The following PCDH15 variants were observed in gnomAD, a reference collection of about 807,000 sequenced individuals.
PCDH15 encodes protocadherin-15.
Under a neutral mutation model 178.5 loss-of-function variants are expected in PCDH15, and 129 were observed. The observed-to-expected ratio is 0.72, with a 90% CI of 0.63 to 0.84. PCDH15 has a LOEUF of 0.84. Among genes scored for constraint, PCDH15 ranks in the 40% least tolerant of loss-of-function variants. The probability of loss-of-function intolerance (pLI) is 0.00; values close to 1 mark genes in which losing one functional copy is unlikely to be tolerated. For missense variants in PCDH15, 2,230 were observed against 2,099.9 expected, an observed-to-expected ratio of 1.06 and a Z score of -1.21; for synonymous variants, 800 against 732.0, an observed-to-expected ratio of 1.09 and a Z score of -1.50.
intron 2 of PCDH15, among the ~76,000 whole-genome samples, chr10:55,465,320 C>T (rs1009961376): frequency 2.0e-5 from 3 of 152,020 alleles, no homozygotes; most frequent in South Asian, 2.1e-4. Flanking sequence ...ATTGTGGAAC[C>T]TGTTTAATAA....
At chr10:55,490,045 A>T (rs908498808) in intron 2 of PCDH15, among the ~76,000 whole-genome samples, 6 of 151,790 alleles carry the variant, frequency 4.0e-5, no homozygotes, top group Non-Finnish European at 7.4e-5. Flanking sequence ...AACAGAAAAA[A>T]AAATTTGAAA....
At chr10:54,979,840 T>TACA (rs1839184629) in intron 2 of PCDH15, among the ~76,000 whole-genome samples, 1 of 152,112 alleles carries the variant, frequency 6.6e-6, no homozygotes, top group Non-Finnish European at 1.5e-5. Context: ...ATGTGTAACA[T>TACA]ATTGTAACAT....
intron 2 of PCDH15, among the ~76,000 whole-genome samples, chr10:54,660,460 G>T (rs1352995472): frequency 1.3e-5 from 2 of 151,970 alleles, no homozygotes; most frequent in Admixed American, 1.3e-4. Context: ...TTATGAAATT[G>T]AATTAGTAAT....
In PCDH15 at chr10:53,903,426, T is replaced by C. The variant is rs1165730502; in HGVS notation, c.3374-56A>G. 15 of 1,596,282 alleles carry C rather than the reference T, an allele frequency of 9.4e-6. No individual in the cohort carries two copies. The East Asian group carries it at 2.2e-4, about 24-fold the overall frequency. Reference sequence around the variant, plus strand: ...TGGTGGTTATTCATGGGGGAAAAAATGCACTGAAGTAAATATTTGCTGCAC... The same window carrying C: ...TGGTGGTTATTCATGGGGGAAAAAACGCACTGAAGTAAATATTTGCTGCAC... On this transcript the variant is annotated intron_variant, in intron 25 of 37. Coordinates refer to ENST00000644397, the MANE Select transcript of PCDH15 (RefSeq NM_001384140.1).
intron 2 of PCDH15, among the ~76,000 whole-genome samples, chr10:54,943,267 C>T (rs957734355): frequency 1.3e-5 from 2 of 151,900 alleles, no homozygotes; most frequent in African/African-American, 4.8e-5. Flanking sequence ...TGGTGTTCAT[C>T]CTCAAAGCCA....
At chr10:55,409,799 A>G (rs1268518973) in intron 2 of PCDH15, among the ~76,000 whole-genome samples, 1 of 152,164 alleles carries the variant, frequency 6.6e-6, no homozygotes, top group Non-Finnish European at 1.5e-5. Flanking sequence ...TAAAGTACTA[A>G]TTTGCCCTTG....
At chr10:55,083,800 A>C (rs566753175) in intron 2 of PCDH15, among the ~76,000 whole-genome samples, 1 of 151,984 alleles carries the variant, frequency 6.6e-6, no homozygotes, top group East Asian at 1.9e-4. Flanking sequence ...AGAACTCAAG[A>C]AAGTAATCCC....
At chr10:54,335,582 A>G (rs1940916101) in intron 6 of PCDH15, among the ~76,000 whole-genome samples, 1 of 152,200 alleles carries the variant, frequency 6.6e-6, no homozygotes, top group African/African-American at 2.4e-5. Flanking sequence ...TGATGCTTTT[A>G]TAAAGGGAAA....
chr10:54,819,494 A>T (rs939710341), intron 3 of PCDH15, among the ~76,000 whole-genome samples: 1 of 151,988 alleles, frequency 6.6e-6, no homozygotes, highest in African/African-American at 2.4e-5. Flanking sequence ...CCTTCTAGAT[A>T]TTACTAATGT....
intron 2 of PCDH15, among the ~76,000 whole-genome samples, chr10:55,561,138 G>A (rs537622793): frequency 6.6e-6 from 1 of 151,638 alleles, no homozygotes; most frequent in African/African-American, 2.4e-5. Flanking sequence ...CAGAACAAAG[G>A]TTAAGAAATT....
chr10:54,166,374 G>T (rs977028062), intron 13 of PCDH15, among the ~76,000 whole-genome samples: 7 of 152,262 alleles, frequency 4.6e-5, no homozygotes, highest in Middle Eastern at 6.8e-3. Context: ...CTCGTTCTAC[G>T]TATTTTTCAG....
At chr10:54,891,832 A>C (rs889010190) in intron 3 of PCDH15, among the ~76,000 whole-genome samples, 15 of 152,044 alleles carry the variant, frequency 9.9e-5, no homozygotes, top group African/African-American at 3.1e-4. Flanking sequence ...TTTTTTTTAC[A>C]GCCAGCAGGA....
At chr10:55,324,872 G>A (rs1843990499) in intron 2 of PCDH15, among the ~76,000 whole-genome samples, 1 of 152,028 alleles carries the variant, frequency 6.6e-6, no homozygotes, top group Non-Finnish European at 1.5e-5. Context: ...ATACAGGAAA[G>A]TTTCAGGACA....
intron 8 of PCDH15, among the ~76,000 whole-genome samples, chr10:54,256,911 T>C (rs2056935359): frequency 6.6e-6 from 1 of 152,116 alleles, no homozygotes; most frequent in East Asian, 1.9e-4. Context: ...TTTCCTGTCT[T>C]CTTACACTGA....
At chr10:55,148,882 G>C (rs752285020) in intron 2 of PCDH15, among the ~76,000 whole-genome samples, 15 of 149,138 alleles carry the variant, frequency 1.0e-4, no homozygotes, top group Admixed American at 5.4e-4. Context: ...TTTTCAGCAA[G>C]ATTTCTTGAA....
chr10:54,931,774 C>G (rs1007941170), intron 2 of PCDH15, among the ~76,000 whole-genome samples: 1 of 152,124 alleles, frequency 6.6e-6, no homozygotes, highest in African/African-American at 2.4e-5. Flanking sequence ...TAAATCCTTG[C>G]AGAACTCACA....
chr10:54,128,736 G>C (rs1278638329), intron 15 of PCDH15, among the ~76,000 whole-genome samples: 1 of 151,954 alleles, frequency 6.6e-6, no homozygotes, highest in Non-Finnish European at 1.5e-5. Context: ...AATAACTTTT[G>C]CTCAATTGTG....
chr10:54,647,255 G>A (rs1456201758), intron 2 of PCDH15, among the ~76,000 whole-genome samples: 1 of 151,996 alleles, frequency 6.6e-6, no homozygotes, highest in Non-Finnish European at 1.5e-5. Context: ...AACAAATACT[G>A]CATACTGCAT....
intron 15 of PCDH15, among the ~76,000 whole-genome samples, chr10:54,124,041 C>A (rs1158759146): frequency 2.6e-5 from 4 of 152,062 alleles, no homozygotes; most frequent in Non-Finnish European, 4.4e-5. Context: ...GCTGGAAAAA[C>A]CAACTGTTGG....
Sources: gnomAD v4.1 joint callset for allele counts (sites outside exome capture counted in the v4.1 genomes callset) on GRCh38, gnomAD v4.1.1 for gene constraint, MANE v1.5 for transcripts, NCBI Gene and HGNC (gene_info 2026-07-23, HGNC 2026-07-21) for gene names.